ESRRG: variants seen among roughly 807,000 people sequenced by gnomAD.
ESRRG encodes the protein estrogen-related receptor gamma.
In ESRRG, 13 loss-of-function variants were observed where a neutral mutation model predicts 44.0. The ratio of observed to expected loss-of-function variants is 0.30; its 90% CI spans 0.19 to 0.47. The LOEUF is 0.47. Among genes scored for constraint, ESRRG ranks in the 20% least tolerant of loss-of-function variants. The pLI is 1.00. For synonymous variants in ESRRG, 215 were observed against 214.6 expected (o/e 1.00, Z -0.02); for missense variants, 395 against 580.6 (o/e 0.68, Z 3.29).
intron 1 of ESRRG, among the ~76,000 whole-genome samples, chr1:216,947,298 T>TTGACTCAC (rs1560217504): frequency 6.6e-6 from 1 of 152,214 alleles, no homozygotes; most frequent in African/African-American, 2.4e-5. Flanking sequence ...ATGGGTACCC[T>TTGACTCAC]TGACTCACTG....
intron 3 of ESRRG, among the ~76,000 whole-genome samples, chr1:216,574,266 G>T (rs1294803975): frequency 1.3e-5 from 2 of 152,010 alleles, no homozygotes; most frequent in African/African-American, 4.8e-5. Context: ...TACTGCATTT[G>T]CCTACATTGC....
At chr1:217,053,465 A>AAAAAGAAAG (rs1028599141) in intron 1 of ESRRG, among the ~76,000 whole-genome samples, 1 of 145,628 alleles carries the variant, frequency 6.9e-6, no homozygotes, top group Non-Finnish European at 1.5e-5. Context: ...AAAGCCAAAA[A>AAAAAGAAAG]AAAGAAAGAA....
At chr1:216,519,491 T>C (rs2045407613) in intron 5 of ESRRG, 70 bp from the exon 6 acceptor site, 6 of 1,434,846 alleles carry the variant, frequency 4.2e-6, no homozygotes, top group African/African-American at 1.5e-5. Context: ...TAGTTTCATA[T>C]GGTAGCTGGC....
At chr1:216,883,407 AAAAAAAAG>A (rs1350002027) in intron 2 of ESRRG, among the ~76,000 whole-genome samples, 1 of 150,660 alleles carries the variant, frequency 6.6e-6, no homozygotes, top group African/African-American at 2.5e-5. Flanking sequence ...AAAAAAAAAA[AAAAAAAAG>A]ATACATTGCT....
At chr1:216,554,132 C>T (rs896049566) in intron 5 of ESRRG, among the ~76,000 whole-genome samples, 2 of 151,994 alleles carry the variant, frequency 1.3e-5, no homozygotes, top group African/African-American at 4.8e-5. Context: ...GAGTCTAGTG[C>T]TGTGGACACA....
chr1:217,007,409 C>A (rs1458724423), intron 1 of ESRRG, among the ~76,000 whole-genome samples: 2 of 152,132 alleles, frequency 1.3e-5, no homozygotes, highest in African/African-American at 4.8e-5. Flanking sequence ...AGGAAAGAAA[C>A]ACTAAGTCAA....
At position 216,506,803 on chromosome 1, in the gene ESRRG, G is replaced by A. The variant is rs1399230904; in HGVS notation, c.*136C>T. 1.2e-5 allele frequency: 11 copies of A among 941,726 alleles called. No individual in the cohort carries two copies. The East Asian group carries it at 2.8e-4, about 24-fold the overall frequency. 58.3% of individuals were successfully genotyped at this position (941,726 alleles called of 1,614,324 possible). A position where few individuals can be genotyped will look rare whatever the true frequency, so the allele number is the denominator to read the frequency against. Reference sequence around the variant, plus strand: ...GGAGGAATCTGAAAGCTGCTTCATAGTCTTGCTGCTAAATTATCAGTGCAG... The same window carrying A: ...GGAGGAATCTGAAAGCTGCTTCATAATCTTGCTGCTAAATTATCAGTGCAG... On this transcript the variant is annotated 3_prime_UTR_variant, in exon 7 of 7. Coordinates refer to ENST00000408911, the MANE Select transcript of ESRRG (RefSeq NM_001438.4).
Position 217,087,608 on chromosome 1 carries a change from G to A in ESRRG, c.-106+1899C>T, listed in dbSNP as rs188467008. 4.8e-3 allele frequency among the ~76,000 whole-genome samples: 727 copies of A among 152,194 alleles called. 7 individuals carry two copies. Among genetic ancestry groups the A allele is most frequent in the African/African-American group, 0.017 (694 of 41,520 alleles). On this transcript the variant is annotated intron_variant, in intron 1 of 7. Transcript: ENST00000359162. The stretch of plus-strand genomic sequence containing the variant: ...GCAGGTTTCAGTATATACCATGCAC[G>A]AGGACTTTGATGCTATTTTGATTTA...
chr1:217,133,631 TTCTC>T (rs375424445), intron 1 of ESRRG, among the ~76,000 whole-genome samples: 5 of 58,448 alleles, frequency 8.6e-5, no homozygotes, highest in African/African-American at 1.5e-4. Flanking sequence ...CTTTCTTTCT[TTCTC>T]TCTCTCTCTC....
chr1:216,815,763 G>T (rs1050728553), intron 2 of ESRRG, among the ~76,000 whole-genome samples: 4 of 152,204 alleles, frequency 2.6e-5, no homozygotes, highest in African/African-American at 7.2e-5. Context: ...GGACCATTAC[G>T]AAAGCACATG....
chr1:216,882,068 G>A (rs997736816), intron 2 of ESRRG, among the ~76,000 whole-genome samples: 2 of 151,696 alleles, frequency 1.3e-5, no homozygotes, highest in Non-Finnish European at 2.9e-5. Flanking sequence ...CTCTCCCTGT[G>A]ATACCTTTGT....
intron 2 of ESRRG, among the ~76,000 whole-genome samples, chr1:216,658,318 C>T (rs967183026): frequency 6.6e-6 from 1 of 152,164 alleles, no homozygotes; most frequent in Non-Finnish European, 1.5e-5. Flanking sequence ...TACATCTTCC[C>T]TCAGGTTCCC....
chr1:216,862,393 T>G (rs2096068145), intron 2 of ESRRG: 1 of 152,124 alleles, frequency 6.6e-6, no homozygotes, highest in Non-Finnish European at 1.5e-5. Flanking sequence ...CCCAGCTAAT[T>G]TTTGTATTTT....
chr1:216,533,314 C>T (rs1242254892), intron 5 of ESRRG, among the ~76,000 whole-genome samples: 2 of 151,908 alleles, frequency 1.3e-5, no homozygotes, highest in African/African-American at 2.4e-5. Flanking sequence ...GCTGCATTCG[C>T]AGGATAATAA....
chr1:216,909,650 G>T (rs1416183861), intron 2 of ESRRG, among the ~76,000 whole-genome samples: 1 of 152,056 alleles, frequency 6.6e-6, no homozygotes, highest in Middle Eastern at 3.2e-3. Context: ...CTCCCAAATT[G>T]CTGGGAATAC....
intron 5 of ESRRG, among the ~76,000 whole-genome samples, chr1:216,551,277 A>C (rs1027007340): frequency 6.6e-6 from 1 of 152,188 alleles, no homozygotes; most frequent in African/African-American, 2.4e-5. Context: ...GCATAAATGA[A>C]TAGGCATGAG....
intron 2 of ESRRG, among the ~76,000 whole-genome samples, chr1:216,913,141 A>G (rs928724641): frequency 6.6e-6 from 1 of 151,050 alleles, no homozygotes; most frequent in African/African-American, 2.4e-5. Flanking sequence ...AAGGAAAGAA[A>G]GACAGAAAAA....
chr1:216,628,353 C>T (rs1336990869), intron 3 of ESRRG, among the ~76,000 whole-genome samples: 1 of 152,178 alleles, frequency 6.6e-6, no homozygotes, highest in Non-Finnish European at 1.5e-5. Flanking sequence ...CTCCTGGGCT[C>T]AAGCAAACCT....
intron 1 of ESRRG, among the ~76,000 whole-genome samples, chr1:216,966,575 A>T (rs918702867): frequency 3.3e-5 from 5 of 152,172 alleles, no homozygotes; most frequent in African/African-American, 1.2e-4. Context: ...ATTTAGATAT[A>T]TAGGCATCTC....
Sources: allele counts gnomAD v4.1 joint callset (sites outside exome capture counted in the v4.1 genomes callset), GRCh38; gene constraint gnomAD v4.1.1; transcripts MANE v1.5; gene names NCBI Gene and HGNC (gene_info 2026-07-23, HGNC 2026-07-21).